The following GRM7 variants were observed in gnomAD, a reference collection of about 807,000 sequenced individuals.
The protein encoded by GRM7 is glutamate metabotropic receptor 7.
GRM7 carries 35 observed loss-of-function variants against 84.5 expected under a neutral mutation model. That is an observed-to-expected ratio of 0.41 (90% CI 0.32 to 0.55). The LOEUF is 0.55. Among genes scored for constraint, GRM7 ranks in the 20% least tolerant of loss-of-function variants. GRM7 has a pLI of 0.19. For synonymous variants in GRM7, 487 were observed against 455.1 expected (o/e 1.07, Z -0.89); for missense variants, 1,003 against 1,194.6 (o/e 0.84, Z 2.36).
intron 8 of GRM7, among the ~76,000 whole-genome samples, chr3:7,625,397 T>G (rs1184293022): frequency 6.6e-6 from 1 of 152,152 alleles, no homozygotes; most frequent in Non-Finnish European, 1.5e-5. Context: ...AGGGGATATA[T>G]TTTTTTAATG....
chr3:6,949,471 C>G (rs374876948), intron 1 of GRM7, among the ~76,000 whole-genome samples: 1 of 152,088 alleles, frequency 6.6e-6, no homozygotes, highest in African/African-American at 2.4e-5. Flanking sequence ...CGACCTTTCT[C>G]TCTGGTTGCC....
At chr3:7,247,589 C>T (rs1697815765) in intron 2 of GRM7, among the ~76,000 whole-genome samples, 1 of 135,070 alleles carries the variant, frequency 7.4e-6, no homozygotes, top group South Asian at 2.3e-4. Context: ...ATGAGACACT[C>T]TCTCTTTTTT....
At chr3:7,528,439 A>G (rs776636835) in intron 7 of GRM7, among the ~76,000 whole-genome samples, 68 of 151,998 alleles carry the variant, frequency 4.5e-4, no homozygotes, top group Non-Finnish European at 8.4e-4. Flanking sequence ...CTAATGGTCT[A>G]TTGATATTGC....
chr3:7,558,926 G>A (rs1293628836), intron 7 of GRM7, among the ~76,000 whole-genome samples: 5 of 152,098 alleles, frequency 3.3e-5, no homozygotes, highest in Non-Finnish European at 5.9e-5. Flanking sequence ...TGGGAAGCTT[G>A]TTATTAAAAG....
chr3:7,212,516 C>T (rs1047849791), intron 2 of GRM7, among the ~76,000 whole-genome samples: 1 of 152,052 alleles, frequency 6.6e-6, no homozygotes, highest in African/African-American at 2.4e-5. Flanking sequence ...GTTGCGAACT[C>T]ATATGAGGAC....
At chr3:7,249,898 T>A (rs1697916111) in intron 2 of GRM7, among the ~76,000 whole-genome samples, 2 of 152,170 alleles carry the variant, frequency 1.3e-5, no homozygotes, top group Admixed American at 1.3e-4. Context: ...TTGAGATTGG[T>A]ACCAGGTGAT....
At chr3:7,403,643 A>ATATATATATG (rs899485751) in intron 4 of GRM7, among the ~76,000 whole-genome samples, 2 of 145,870 alleles carry the variant, frequency 1.4e-5, no homozygotes, top group Non-Finnish European at 3.0e-5. Context: ...ATATATATAT[A>ATATATATATG]TATATATGTA....
At position 7,669,771 on chromosome 3, in the gene GRM7, A is replaced by C. The variant is rs150176400; in HGVS notation, c.2452-10278A>C. Among the ~76,000 whole-genome samples, 55 of 152,256 alleles carry C rather than the reference A, an allele frequency of 3.6e-4. 1 individual carries two copies. The East Asian group carries it at 0.01, about 28-fold the overall frequency. On this transcript the variant is annotated intron_variant, in intron 8 of 9. Coordinates refer to ENST00000357716, the MANE Select transcript of GRM7 (RefSeq NM_000844.4). The stretch of plus-strand genomic sequence containing the variant: ...TGGGAAGGCAAGATCAAAGTCATAA[A>C]CTGCTCAGCTCCTACGCCTGGCCAG...
chr3:7,738,922 A>G (rs764643997), intron 9 of GRM7, among the ~76,000 whole-genome samples: 2 of 152,148 alleles, frequency 1.3e-5, no homozygotes, highest in Non-Finnish European at 2.9e-5. Context: ...TGAAGACAAC[A>G]CTGGGATAAT....
intron 1 of GRM7, among the ~76,000 whole-genome samples, chr3:6,871,854 A>C (rs541111245): frequency 6.6e-5 from 10 of 152,270 alleles, no homozygotes; most frequent in Admixed American, 1.3e-4. Flanking sequence ...GAAGAACGGA[A>C]CAGAGGGTAA....
At chr3:7,160,955 T>C (rs1325302779) in intron 2 of GRM7, among the ~76,000 whole-genome samples, 1 of 152,172 alleles carries the variant, frequency 6.6e-6, no homozygotes, top group Non-Finnish European at 1.5e-5. Flanking sequence ...TGTTCTCAAA[T>C]ATTTGTTGCT....
chr3:7,691,639 C>T (rs1417052494), intron 9 of GRM7, among the ~76,000 whole-genome samples: 1 of 152,006 alleles, frequency 6.6e-6, no homozygotes, highest in African/African-American at 2.4e-5. Context: ...GGTCTCTGCT[C>T]ATCTGGTTTT....
At chr3:6,987,367 A>C (rs1239051052) in intron 1 of GRM7, among the ~76,000 whole-genome samples, 1 of 151,948 alleles carries the variant, frequency 6.6e-6, no homozygotes, top group Non-Finnish European at 1.5e-5. Context: ...GTAGTAAATT[A>C]GACAGATTTA....
chr3:6,872,619 C>T (rs1216949517), intron 1 of GRM7, among the ~76,000 whole-genome samples: 2 of 152,064 alleles, frequency 1.3e-5, no homozygotes, highest in Non-Finnish European at 2.9e-5. Context: ...CTTAGCCCCC[C>T]CAACCCCCGA....
At chr3:7,327,770 T>G (rs1176405140) in intron 4 of GRM7, among the ~76,000 whole-genome samples, 1 of 152,196 alleles carries the variant, frequency 6.6e-6, no homozygotes, top group African/African-American at 2.4e-5. Flanking sequence ...TGTCATAATA[T>G]TTGCATGTTT....
intron 1 of GRM7, among the ~76,000 whole-genome samples, chr3:6,973,342 T>A (rs1325897082): frequency 6.6e-6 from 1 of 152,110 alleles, no homozygotes; most frequent in Non-Finnish European, 1.5e-5. Context: ...TTAGCACCGA[T>A]CTCAGTACTA....
intron 5 of GRM7, among the ~76,000 whole-genome samples, chr3:7,432,997 A>G (rs750181535): frequency 6.6e-6 from 1 of 152,226 alleles, no homozygotes; most frequent in Non-Finnish European, 1.5e-5. Flanking sequence ...AAGAAAGACA[A>G]TAATCCATAG....
rs138968796 is a variant in GRM7 at position 7,300,974 on chromosome 3, C to T, written c.878+2149C>T. Reference sequence around the variant, plus strand: ...TGAACAAGTGAATGAAATTCCTAACCTAATGCTTCATATTTAATAATTTAA... The same window carrying T: ...TGAACAAGTGAATGAAATTCCTAACTTAATGCTTCATATTTAATAATTTAA... On this transcript the variant is annotated intron_variant, in intron 3 of 9. Transcript: ENST00000357716. Among the ~76,000 whole-genome samples, 381 of 152,232 alleles carry T rather than the reference C, an allele frequency of 2.5e-3. 1 individual carries two copies. The highest frequency in any genetic ancestry group is 8.7e-3 in the African/African-American group (361 of 41,550).
At chr3:7,308,860 G>A (rs963819832) in intron 4 of GRM7, among the ~76,000 whole-genome samples, 1 of 152,088 alleles carries the variant, frequency 6.6e-6, no homozygotes, top group African/African-American at 2.4e-5. Flanking sequence ...GGAACTTACT[G>A]GGTTATCTCA....
Sources: gnomAD v4.1 joint callset for allele counts (sites outside exome capture counted in the v4.1 genomes callset) on GRCh38, gnomAD v4.1.1 for gene constraint, MANE v1.5 for transcripts, NCBI Gene and HGNC (gene_info 2026-07-23, HGNC 2026-07-21) for gene names.